FHIT: variants seen among roughly 807,000 people sequenced by gnomAD.
The protein encoded by FHIT is bis(5'-adenosyl)-triphosphatase.
In FHIT, 19 loss-of-function variants were observed where a neutral mutation model predicts 17.9. The ratio of observed to expected loss-of-function variants is 1.06; its 90% CI spans 0.74 to 1.56. The LOEUF is 1.56. FHIT is among the 40% of genes most tolerant of loss of function. The probability of loss-of-function intolerance (pLI) is 0.00; values close to 1 mark genes in which losing one functional copy is unlikely to be tolerated. For missense variants in FHIT, 248 were observed against 189.2 expected (o/e 1.31, Z -1.82); for synonymous variants, 81 against 69.7 (o/e 1.16, Z -0.81).
intron 1 of FHIT, among the ~76,000 whole-genome samples, chr3:61,202,804 C>A (rs2039069537): frequency 6.6e-6 from 1 of 152,102 alleles, no homozygotes; most frequent in Admixed American, 6.5e-5. Context: ...GTAATCCCAG[C>A]ACTTTGGGAC....
intron 7 of FHIT, among the ~76,000 whole-genome samples, chr3:59,941,326 A>C (rs2107268108): frequency 6.6e-6 from 1 of 152,320 alleles, no homozygotes; most frequent in Middle Eastern, 3.4e-3. Flanking sequence ...GCCACAATGC[A>C]GGTCCAGCCA....
At chr3:59,906,607 T>C (rs1214349570) in intron 8 of FHIT, among the ~76,000 whole-genome samples, 2 of 152,222 alleles carry the variant, frequency 1.3e-5, no homozygotes, top group Non-Finnish European at 2.9e-5. Context: ...TACAGATGGA[T>C]CTCAATGGCC....
intron 5 of FHIT, among the ~76,000 whole-genome samples, chr3:60,467,223 T>A (rs1459356025): frequency 2.1e-5 from 3 of 144,070 alleles, no homozygotes; most frequent in Non-Finnish European, 4.5e-5. Context: ...TCCTTTTTCA[T>A]CTCTAATTTT....
chr3:59,754,027 A>AGTTG (rs1701066968), intron 8 of FHIT, among the ~76,000 whole-genome samples: 3 of 151,894 alleles, frequency 2.0e-5, no homozygotes, highest in Admixed American at 1.3e-4. Flanking sequence ...TCTATCAACT[A>AGTTG]ATAAATGACT....
chr3:60,565,769 G>T (rs751366961), intron 4 of FHIT, among the ~76,000 whole-genome samples: 4 of 152,174 alleles, frequency 2.6e-5, no homozygotes, highest in Non-Finnish European at 5.9e-5. Context: ...CTTCAGTTCC[G>T]CTCTGATCTT....
chr3:61,074,155 C>A (rs1455954212), intron 2 of FHIT, among the ~76,000 whole-genome samples: 6 of 152,110 alleles, frequency 3.9e-5, no homozygotes, highest in Non-Finnish European at 7.4e-5. Flanking sequence ...ACACAAAAAA[C>A]CCCTTAAGCC....
At chr3:60,063,776 C>T (rs1456605292) in intron 5 of FHIT, among the ~76,000 whole-genome samples, 4 of 152,052 alleles carry the variant, frequency 2.6e-5, no homozygotes, top group Non-Finnish European at 5.9e-5. Flanking sequence ...AGAATTTGTG[C>T]AAGAATGTCC....
chr3:61,024,657 A>T (rs1262216309), intron 3 of FHIT, among the ~76,000 whole-genome samples: 1 of 152,214 alleles, frequency 6.6e-6, no homozygotes, highest in Non-Finnish European at 1.5e-5. Context: ...TAACAATGCC[A>T]GTTGAATAAA....
intron 5 of FHIT, among the ~76,000 whole-genome samples, chr3:60,379,675 A>G (rs1700719852): frequency 6.6e-6 from 1 of 152,206 alleles, no homozygotes; most frequent in Non-Finnish European, 1.5e-5. Flanking sequence ...TAATCAGACA[A>G]CATCTTAATA....
At chr3:61,102,694 TG>T (rs1332816988) in intron 2 of FHIT, among the ~76,000 whole-genome samples, 4 of 152,214 alleles carry the variant, frequency 2.6e-5, no homozygotes, top group African/African-American at 9.6e-5. Flanking sequence ...TGGACTTTTT[TG>T]GTTGGTAGGC....
At chr3:60,381,101 A>G (rs1394368727) in intron 5 of FHIT, among the ~76,000 whole-genome samples, 1 of 152,188 alleles carries the variant, frequency 6.6e-6, no homozygotes, top group Non-Finnish European at 1.5e-5. Flanking sequence ...ATGATTTTAT[A>G]TTACCCATAT....
In FHIT at chr3:61,191,266, G is replaced by C. The variant is rs1427371980; in HGVS notation, c.-164+9351C>G. Among the ~76,000 whole-genome samples, 3 of 152,118 alleles carry C rather than the reference G, an allele frequency of 2.0e-5. No homozygotes were observed. In the East Asian group the frequency reaches 5.8e-4, roughly 29 times the overall value. ...CATTTAAACAGAAGGCCATCACCCA[G>C]TTTGTTGAACAGAAGAAAAGGAGGA... is the stretch of plus-strand genomic sequence containing the variant. On this transcript the variant is annotated intron_variant, in intron 2 of 9. Coordinates refer to ENST00000492590, the MANE Select transcript of FHIT (RefSeq NM_002012.4).
At chr3:59,914,483 T>C (rs1192949689) in intron 8 of FHIT, among the ~76,000 whole-genome samples, 2 of 152,172 alleles carry the variant, frequency 1.3e-5, no homozygotes, top group Admixed American at 6.6e-5. Context: ...TGCTCCAAGC[T>C]AAGAGGTTAC....
chr3:60,230,517 G>T (rs1046875368), intron 5 of FHIT, among the ~76,000 whole-genome samples: 2 of 151,870 alleles, frequency 1.3e-5, no homozygotes, highest in African/African-American at 4.8e-5. Context: ...TTTAAAAATC[G>T]CAGATAGCAT....
chr3:60,189,140 A>G (rs1001770355), intron 5 of FHIT, among the ~76,000 whole-genome samples: 26 of 152,138 alleles, frequency 1.7e-4, no homozygotes, highest in African/African-American at 6.0e-4. Context: ...TGTCTGTTAA[A>G]AAGTAGAGCT....
intron 5 of FHIT, among the ~76,000 whole-genome samples, chr3:60,327,432 C>T (rs1421193652): frequency 6.6e-6 from 1 of 152,170 alleles, no homozygotes; most frequent in Non-Finnish European, 1.5e-5. Context: ...AGAGCAAAAA[C>T]AGCCATAGCC....
chr3:60,155,532 C>G (rs1479155197), intron 5 of FHIT, among the ~76,000 whole-genome samples: 2 of 152,168 alleles, frequency 1.3e-5, no homozygotes, highest in Non-Finnish European at 2.9e-5. Context: ...CTGCCCATCT[C>G]TCATATCCAT....
intron 5 of FHIT, among the ~76,000 whole-genome samples, chr3:60,319,774 G>T (rs1194498314): frequency 6.6e-6 from 1 of 152,162 alleles, no homozygotes; most frequent in Non-Finnish European, 1.5e-5. Context: ...TGGTTGCACT[G>T]TAATTACCAT....
At chr3:60,568,221 T>C (rs1053859347) in intron 4 of FHIT, among the ~76,000 whole-genome samples, 4 of 152,100 alleles carry the variant, frequency 2.6e-5, no homozygotes, top group Non-Finnish European at 5.9e-5. Flanking sequence ...TGTCCAACAA[T>C]GATAGACTGG....
Sources: allele counts gnomAD v4.1 joint callset (sites outside exome capture counted in the v4.1 genomes callset), GRCh38; gene constraint gnomAD v4.1.1; transcripts MANE v1.5; gene names NCBI Gene and HGNC (gene_info 2026-07-23, HGNC 2026-07-21).